EXOC6B: variants seen among roughly 807,000 people sequenced by gnomAD.
EXOC6B encodes exocyst complex component 6B.
Under a neutral mutation model 113.5 loss-of-function variants are expected in EXOC6B, and 54 were observed. The observed-to-expected ratio is 0.48, with a 90% CI of 0.38 to 0.60. The LOEUF is 0.60. EXOC6B is among the 20% of genes least tolerant of loss of function. The pLI is 0.00. For synonymous variants in EXOC6B, 357 were observed against 339.0 expected (o/e 1.05, Z -0.58); for missense variants, 797 against 977.5 (o/e 0.82, Z 2.46).
intron 20 of EXOC6B, among the ~76,000 whole-genome samples, chr2:72,267,126 AAG>A (rs1455792411): frequency 6.6e-6 from 1 of 152,158 alleles, no homozygotes; most frequent in East Asian, 1.9e-4. Flanking sequence ...GACTTTGCTG[AAG>A]TTGCTTATCA....
intron 8 of EXOC6B, among the ~76,000 whole-genome samples, chr2:72,551,185 G>C (rs1331239099): frequency 1.3e-5 from 2 of 151,996 alleles, no homozygotes; most frequent in Admixed American, 1.3e-4. Flanking sequence ...GAGTTCACTT[G>C]AGCAAAATCT....
At chr2:72,770,354 T>C (rs1227633417) in intron 1 of EXOC6B, among the ~76,000 whole-genome samples, 1 of 152,198 alleles carries the variant, frequency 6.6e-6, no homozygotes, top group Non-Finnish European at 1.5e-5. Flanking sequence ...CAACTACAGG[T>C]CTACAATCCC....
At chr2:72,315,116 T>A (rs1450598197) in intron 20 of EXOC6B, among the ~76,000 whole-genome samples, 1 of 152,104 alleles carries the variant, frequency 6.6e-6, no homozygotes, top group Non-Finnish European at 1.5e-5. Flanking sequence ...AAATGGGAAA[T>A]GTCTCAATTA....
At chr2:72,512,412 G>GAAA (rs1700983836) in intron 11 of EXOC6B, among the ~76,000 whole-genome samples, 1 of 127,926 alleles carries the variant, frequency 7.8e-6, no homozygotes, top group African/African-American at 3.1e-5. Flanking sequence ...AGGAAGGAAG[G>GAAA]AAGGAAGGAA....
intron 8 of EXOC6B, among the ~76,000 whole-genome samples, chr2:72,559,000 G>A (rs1391601897): frequency 5.1e-4 from 78 of 151,984 alleles, no homozygotes; most frequent in Non-Finnish European, 5.9e-5. Flanking sequence ...CTACCAAAAT[G>A]GAGAAAGGGA....
At chr2:72,233,545 A>C (rs1050433592) in intron 20 of EXOC6B, among the ~76,000 whole-genome samples, 1 of 151,920 alleles carries the variant, frequency 6.6e-6, no homozygotes, top group Non-Finnish European at 1.5e-5. Context: ...CTCCTCGCAA[A>C]CCCCCACTGT....
chr2:72,516,909 C>T (rs954090639), intron 8 of EXOC6B, among the ~76,000 whole-genome samples: 5 of 152,002 alleles, frequency 3.3e-5, no homozygotes, highest in African/African-American at 4.8e-5. Context: ...AAAGCCCTGC[C>T]CACCTAAAAA....
chr2:72,604,285 A>G (rs761436356), intron 6 of EXOC6B, among the ~76,000 whole-genome samples: 12 of 152,178 alleles, frequency 7.9e-5, no homozygotes, highest in Non-Finnish European at 1.6e-4. Context: ...CACTTAAATA[A>G]AAAAACCCTG....
At chr2:72,560,716 C>T (rs953967325) in intron 7 of EXOC6B, among the ~76,000 whole-genome samples, 1 of 151,956 alleles carries the variant, frequency 6.6e-6, no homozygotes, top group African/African-American at 2.4e-5. Flanking sequence ...AAGATTAAAT[C>T]TCTATATTTA....
chr2:72,748,365 T>C (rs1382261084), intron 1 of EXOC6B, among the ~76,000 whole-genome samples: 1 of 152,038 alleles, frequency 6.6e-6, no homozygotes, highest in African/African-American at 2.4e-5. Flanking sequence ...AAAAACAGAT[T>C]TGTGCATGAT....
chr2:72,456,470 A>C (rs1439538630), intron 18 of EXOC6B, among the ~76,000 whole-genome samples: 1 of 152,186 alleles, frequency 6.6e-6, no homozygotes, highest in Non-Finnish European at 1.5e-5. Context: ...CTATACACAG[A>C]AATACAGATG....
At chr2:72,651,399 C>G (rs1281193723) in intron 6 of EXOC6B, among the ~76,000 whole-genome samples, 1 of 152,162 alleles carries the variant, frequency 6.6e-6, no homozygotes, top group East Asian at 1.9e-4. Context: ...GTGGGCAGAA[C>G]TGAATTGATA....
rs372273056 is a variant in EXOC6B, at chr2:72,535,173, G to C, written c.916-20047C>G. Among the ~76,000 whole-genome samples, 22 of 152,214 alleles carry C rather than the reference G, an allele frequency of 1.4e-4. 2 individuals are homozygous for C. The highest frequency in any genetic ancestry group is 4.6e-4 in the African/African-American group (19 of 41,524). ...CTCCTCAATACCATTCAAGTTTTTA[G>C]CAAGGACCTCTTTTTTTAAGAAAGG... is the stretch of plus-strand genomic sequence containing the variant. On this transcript the variant is annotated intron_variant, in intron 8 of 21. Coordinates refer to ENST00000272427, the MANE Select transcript of EXOC6B (RefSeq NM_015189.3).
chr2:72,727,148 A>G (rs1398695930), intron 5 of EXOC6B, among the ~76,000 whole-genome samples: 1 of 152,234 alleles, frequency 6.6e-6, no homozygotes, highest in Admixed American at 6.5e-5. Flanking sequence ...ATTACTAAAT[A>G]TAAAACAACA....
intron 1 of EXOC6B, among the ~76,000 whole-genome samples, chr2:72,746,002 A>G (rs751382480): frequency 6.6e-6 from 1 of 152,078 alleles, no homozygotes; most frequent in Non-Finnish European, 1.5e-5. Context: ...CCTTGAAATG[A>G]TGTGGCCTTA....
At chr2:72,712,977 G>T (rs749443038) in intron 6 of EXOC6B, among the ~76,000 whole-genome samples, 4 of 152,186 alleles carry the variant, frequency 2.6e-5, no homozygotes, top group Non-Finnish European at 5.9e-5. Flanking sequence ...ATATGCTTCA[G>T]AGGATCCTCA....
intron 1 of EXOC6B, among the ~76,000 whole-genome samples, chr2:72,819,329 A>C (rs2105165755): frequency 6.6e-6 from 1 of 152,348 alleles, no homozygotes; most frequent in African/African-American, 2.4e-5. Context: ...TTTCTTCTTA[A>C]GTCATTCTAT....
chr2:72,417,162 A>G (rs1390929304), intron 18 of EXOC6B, among the ~76,000 whole-genome samples: 1 of 152,178 alleles, frequency 6.6e-6, no homozygotes, highest in African/African-American at 2.4e-5. Context: ...GTGGTTTATA[A>G]AACAGTTTCA....
At chr2:72,716,523 T>C (rs188957571) in intron 6 of EXOC6B, among the ~76,000 whole-genome samples, 17 of 152,290 alleles carry the variant, frequency 1.1e-4, no homozygotes, top group Admixed American at 1.0e-3. Flanking sequence ...AATGAAGATT[T>C]CTCAGTTAAT....
Sources: gnomAD v4.1 joint callset for allele counts (sites outside exome capture counted in the v4.1 genomes callset) on GRCh38, gnomAD v4.1.1 for gene constraint, MANE v1.5 for transcripts, NCBI Gene and HGNC (gene_info 2026-07-23, HGNC 2026-07-21) for gene names.